Variants in FHIP1A observed in about 807,000 individuals in gnomAD.
FHIP1A encodes FHF complex subunit HOOK-interacting protein 1A.
FHIP1A carries 61 observed loss-of-function variants against 88.6 expected under a neutral mutation model. The observed-to-expected ratio is 0.69, with a 90% CI of 0.56 to 0.85. The LOEUF is 0.85. Ranked by LOEUF, FHIP1A falls within the 40% of genes least tolerant of loss-of-function variation. The probability of loss-of-function intolerance (pLI) is 0.00; values close to 1 mark genes in which losing one functional copy is unlikely to be tolerated. For synonymous variants in FHIP1A, 478 were observed against 496.0 expected (o/e 0.96, Z 0.48); for missense variants, 1,154 against 1,273.5 (o/e 0.91, Z 1.43).
intron 3 of FHIP1A, among the ~76,000 whole-genome samples, chr4:151,487,779 G>A (rs1344442830): frequency 1.3e-5 from 2 of 152,188 alleles, no homozygotes; most frequent in African/African-American, 4.8e-5. Flanking sequence ...ACCACATAGA[G>A]TTTAAGAAAT....
intron 3 of FHIP1A, among the ~76,000 whole-genome samples, chr4:151,565,621 T>G (rs1233428828): frequency 6.6e-6 from 1 of 152,122 alleles, no homozygotes; most frequent in Non-Finnish European, 1.5e-5. Context: ...GGGTGCTGTT[T>G]TATAACACCT....
intron 7 of FHIP1A, among the ~76,000 whole-genome samples, chr4:151,618,633 T>G (rs982816422): frequency 6.6e-6 from 1 of 152,208 alleles, no homozygotes; most frequent in African/African-American, 2.4e-5. Flanking sequence ...CACAGAAGCC[T>G]TCACATCTCA....
intron 5 of FHIP1A, among the ~76,000 whole-genome samples, chr4:151,583,927 A>G (rs1734114479): frequency 6.6e-6 from 1 of 152,218 alleles, no homozygotes; most frequent in South Asian, 2.1e-4. Flanking sequence ...AGATGCCCTG[A>G]TTTTTTAAAA....
At chr4:151,415,680 A>G (rs1404545585) in intron 1 of FHIP1A, among the ~76,000 whole-genome samples, 1 of 152,278 alleles carries the variant, frequency 6.6e-6, no homozygotes, top group African/African-American at 2.4e-5. Context: ...GTGTCCCTTC[A>G]TTTTTAGTTA....
chr4:151,591,248 A>G (rs545873013), intron 7 of FHIP1A, among the ~76,000 whole-genome samples: 1 of 152,186 alleles, frequency 6.6e-6, no homozygotes, highest in South Asian at 2.1e-4. Context: ...AAGCACATGA[A>G]CAAAGAAGTC....
chr4:151,615,730 C>T (rs1735494410), intron 7 of FHIP1A, among the ~76,000 whole-genome samples: 1 of 152,136 alleles, frequency 6.6e-6, no homozygotes, highest in South Asian at 2.1e-4. Flanking sequence ...ATTTTGTGTA[C>T]ATCCTGCTGT....
chr4:151,613,906 T>C (rs1325975974), intron 7 of FHIP1A, among the ~76,000 whole-genome samples: 2 of 152,186 alleles, frequency 1.3e-5, no homozygotes, highest in African/African-American at 2.4e-5. Flanking sequence ...CTCATGCTTG[T>C]AATCCCAGCA....
At chr4:151,501,652 TG>T (rs1430279534) in intron 3 of FHIP1A, among the ~76,000 whole-genome samples, 1 of 151,982 alleles carries the variant, frequency 6.6e-6, no homozygotes, top group Non-Finnish European at 1.5e-5. Flanking sequence ...GGTTTTCATT[TG>T]TATTTCTTTG....
chr4:151,503,979 A>G (rs1239487407), intron 3 of FHIP1A, among the ~76,000 whole-genome samples: 1 of 152,228 alleles, frequency 6.6e-6, no homozygotes, highest in African/African-American at 2.4e-5. Context: ...TCCTAACTGC[A>G]CAAAACCTAA....
chr4:151,630,359 C>T (rs1736109825), intron 8 of FHIP1A, among the ~76,000 whole-genome samples: 1 of 152,144 alleles, frequency 6.6e-6, no homozygotes, highest in African/African-American at 2.4e-5. Flanking sequence ...AAAAATACTC[C>T]TCCCCAAAGG....
chr4:151,509,956 T>C (rs1158190035), intron 3 of FHIP1A, among the ~76,000 whole-genome samples: 1 of 152,204 alleles, frequency 6.6e-6, no homozygotes, highest in African/African-American at 2.4e-5. Flanking sequence ...AAAGTATCTT[T>C]AAAACATGGC....
In FHIP1A at chr4:151,667,797, C is replaced by T. The variant is rs1446798393; in HGVS notation, c.*5043C>T. Among the ~76,000 whole-genome samples the T allele has an allele frequency of 5.3e-5, 8 of 152,164 alleles. No individual in the cohort carries two copies. Among genetic ancestry groups the T allele is most frequent in the East Asian group, 1.9e-4 (1 of 5,198 alleles). On this transcript the variant is annotated 3_prime_UTR_variant, in exon 14 of 14. Coordinates refer to ENST00000435205, the MANE Select transcript of FHIP1A (RefSeq NM_001109977.3). ...ACTGTTACCTACACAAGTAACAAGA[C>T]GGCCAATAGGACCTGTCAGCATGAC...
At chr4:151,597,284 C>T (rs528008919) in intron 7 of FHIP1A, among the ~76,000 whole-genome samples, 8 of 152,232 alleles carry the variant, frequency 5.3e-5, no homozygotes, top group Middle Eastern at 3.4e-3. Context: ...CAGTCAGGCC[C>T]CTCTGCTGCA....
chr4:151,549,705 T>G (rs1732649153), intron 3 of FHIP1A, among the ~76,000 whole-genome samples: 1 of 152,136 alleles, frequency 6.6e-6, no homozygotes, highest in African/African-American at 2.4e-5. Flanking sequence ...TTTACTTTCT[T>G]AATAAACTTG....
At chr4:151,442,309 A>G (rs1728441835) in intron 1 of FHIP1A, among the ~76,000 whole-genome samples, 1 of 152,094 alleles carries the variant, frequency 6.6e-6, no homozygotes, top group Non-Finnish European at 1.5e-5. Context: ...GTTGGTTGCA[A>G]AGAACAGAAG....
chr4:151,502,898 A>G (rs2126665654), intron 3 of FHIP1A, among the ~76,000 whole-genome samples: 1 of 152,314 alleles, frequency 6.6e-6, no homozygotes, highest in South Asian at 2.1e-4. Context: ...CATATTTTCA[A>G]TACAGCTAAA....
chr4:151,492,018 C>T (rs1043301378), intron 3 of FHIP1A, among the ~76,000 whole-genome samples: 8 of 152,100 alleles, frequency 5.3e-5, no homozygotes, highest in African/African-American at 1.9e-4. Flanking sequence ...TACTACTACA[C>T]CTAAGAAATC....
intron 3 of FHIP1A, among the ~76,000 whole-genome samples, chr4:151,537,647 T>G (rs1732119420): frequency 6.6e-6 from 1 of 152,190 alleles, no homozygotes; most frequent in Admixed American, 6.5e-5. Flanking sequence ...GTGCTTGTGG[T>G]GTCAAGTCTA....
rs1364380708 is a variant in FHIP1A at position 151,638,665 on chromosome 4, C to G, written c.1147-12C>G. 6.5e-7 allele frequency: 1 copy of G among 1,528,988 alleles called. No homozygotes were observed. The highest frequency in any genetic ancestry group is 2.0e-5 in the Admixed American group (1 of 50,402). 94.7% of individuals were successfully genotyped at this position (1,528,988 alleles called of 1,614,324 possible). A position where few individuals can be genotyped will look rare whatever the true frequency, so the allele number is the denominator to read the frequency against. On this transcript the variant is annotated splice_polypyrimidine_tract_variant and intron_variant, in intron 8 of 13. Coordinates refer to ENST00000435205, the MANE Select transcript of FHIP1A (RefSeq NM_001109977.3). Reference sequence around the variant, plus strand: ...AACATCTGAACTAGAATGTGTGTCTCTTGCTTCCCAGCTTTGTGTGGTGTC... The same window carrying G: ...AACATCTGAACTAGAATGTGTGTCTGTTGCTTCCCAGCTTTGTGTGGTGTC...
Sources: allele counts gnomAD v4.1 joint callset (sites outside exome capture counted in the v4.1 genomes callset), GRCh38; gene constraint gnomAD v4.1.1; transcripts MANE v1.5; gene names NCBI Gene and HGNC (gene_info 2026-07-23, HGNC 2026-07-21).